Variants in PTPRQ observed in about 807,000 individuals in gnomAD.
The protein encoded by PTPRQ is protein tyrosine phosphatase receptor type Q, also known as phosphatidylinositol phosphatase PTPRQ.
In PTPRQ, 199 loss-of-function variants were observed where a neutral mutation model predicts 246.0. The observed-to-expected ratio is 0.81, with a 90% CI of 0.72 to 0.91. The LOEUF is 0.91. Ranked by LOEUF, PTPRQ falls within the 40% of genes least tolerant of loss-of-function variation. PTPRQ has a pLI of 0.00. For missense variants in PTPRQ, 2,624 were observed against 2,528.4 expected (o/e 1.04, Z -0.81); for synonymous variants, 869 against 853.2 (o/e 1.02, Z -0.32).
intron 17 of PTPRQ, among the ~76,000 whole-genome samples, chr12:80,530,802 A>C (rs1203206965): frequency 6.6e-6 from 1 of 152,100 alleles, no homozygotes; most frequent in Non-Finnish European, 1.5e-5. Context: ...AAATAATTAT[A>C]ATTATTATAA....
intron 3 of PTPRQ, among the ~76,000 whole-genome samples, chr12:80,456,068 C>T (rs1053174786): frequency 7.2e-5 from 11 of 152,090 alleles, no homozygotes; most frequent in African/African-American, 2.7e-4. Flanking sequence ...CTTCTGGATC[C>T]TCCCTCAATA....
intron 35 of PTPRQ, among the ~76,000 whole-genome samples, chr12:80,635,982 GTCTTTA>G (rs1899632997): frequency 6.6e-6 from 1 of 152,118 alleles, no homozygotes; most frequent in Non-Finnish European, 1.5e-5. Flanking sequence ...GTTAAAGTTG[GTCTTTA>G]TCTAATAGAT....
At chr12:80,677,681 A>C (rs1901190311) in intron 43 of PTPRQ, among the ~76,000 whole-genome samples, 1 of 152,200 alleles carries the variant, frequency 6.6e-6, no homozygotes, top group Admixed American at 6.5e-5. Context: ...TAATAATGAC[A>C]AACAATTTCT....
At chr12:80,469,487 T>C (rs1893554980) in intron 7 of PTPRQ, among the ~76,000 whole-genome samples, 1 of 152,156 alleles carries the variant, frequency 6.6e-6, no homozygotes, top group South Asian at 2.1e-4. Flanking sequence ...TCTAAAATTC[T>C]CTCCTGATTG....
intron 3 of PTPRQ, among the ~76,000 whole-genome samples, chr12:80,449,248 T>C (rs978033021): frequency 6.6e-6 from 1 of 151,760 alleles, no homozygotes; most frequent in African/African-American, 2.4e-5. Flanking sequence ...TAAATTTGTT[T>C]GAGTTCATTG....
At position 80,673,293 on chromosome 12, in the gene PTPRQ, G is replaced by A. The variant is rs753841831; in HGVS notation, c.6727G>A (p.Val2243Met). 60 of 1,549,514 alleles carry A rather than the reference G, an allele frequency of 3.9e-5. No homozygotes were observed. Among genetic ancestry groups the A allele is most frequent in the Non-Finnish European group, 5.1e-5 (58 of 1,145,858 alleles). The change falls in exon 43 of 45, where the codon GTG (valine) becomes ATG (methionine). Residue 2243 changes from valine (V) to methionine (M), a missense_variant. Physicochemically the swap from Val to Met is conservative, Grantham distance 21 (BLOSUM62 1). Transcript: ENST00000644991. ...ACTGAGAAGTGAAAGAATGTGCATG[G>A]TGCAGAATCTGGTAAGATCTCTAAA... ...AELRSERMCM[V>M]QNLAQYIFLH...
At position 80,542,215 on chromosome 12, in the gene PTPRQ, C is replaced by T; in HGVS notation, c.3572C>T (p.Pro1191Leu). ...IISYDLTLQGPNENYSFITSD... is the reference protein window; with the variant it reads ...IISYDLTLQGLNENYSFITSD... ...AGTTATGATTTAACTTTACAAGGAC[C>T]AAATGAAAATTATTCTTTCATTACT... The change falls in exon 22 of 45, where the codon CCA becomes CTA. Residue 1191 changes from proline to leucine, a missense_variant. By Grantham distance (98) the Pro-to-Leu change is moderately conservative. Coordinates refer to ENST00000644991, the MANE Select transcript of PTPRQ (RefSeq NM_001145026.2). The T allele has an allele frequency of 1.3e-6, 2 of 1,550,916 alleles. No individual in the cohort carries two copies. Among genetic ancestry groups the T allele is most frequent in the Non-Finnish European group, 1.7e-6 (2 of 1,146,534 alleles).
At chr12:80,460,009 A>G (rs184841270) in intron 5 of PTPRQ, among the ~76,000 whole-genome samples, 102 of 152,338 alleles carry the variant, frequency 6.7e-4, no homozygotes, top group Non-Finnish European at 1.3e-3. Flanking sequence ...GTCATTGATG[A>G]TAAACCTCAT....
At chr12:80,603,858 T>C (rs143809636) in intron 26 of PTPRQ, among the ~76,000 whole-genome samples, 20 of 151,788 alleles carry the variant, frequency 1.3e-4, no homozygotes, top group Admixed American at 1.1e-3. Flanking sequence ...TTGTAGATTA[T>C]ATGTTATTTA....
At chr12:80,524,763 T>C (rs4495948) in intron 17 of PTPRQ, among the ~76,000 whole-genome samples, 53,576 of 152,032 alleles carry the variant, frequency 0.35, 11,786 homozygotes, top group African/African-American at 0.62. Flanking sequence ...ATTTTATAGT[T>C]GTGGAAATGT....
intron 25 of PTPRQ, among the ~76,000 whole-genome samples, chr12:80,580,430 A>C (rs1439562704): frequency 6.6e-6 from 1 of 152,154 alleles, no homozygotes; most frequent in Non-Finnish European, 1.5e-5. Flanking sequence ...AAAAAGTTTG[A>C]GGTTTTTAGT....
At position 80,679,922 on chromosome 12, in the gene PTPRQ, C is replaced by T. The variant is rs1322782928; in HGVS notation, c.*899C>T. On this transcript the variant is annotated 3_prime_UTR_variant, in exon 45 of 45. Coordinates refer to ENST00000644991, the MANE Select transcript of PTPRQ (RefSeq NM_001145026.2). ...TTCAAGCTTGTAAACCAATGATGTG[C>T]TGCTGTGGTGCCAACAGAGACTTCC... 2 of 151,744 alleles carry T rather than the reference C, an allele frequency of 1.3e-5. No individual in the cohort carries two copies. Among genetic ancestry groups the T allele is most frequent in the Non-Finnish European group, 2.9e-5 (2 of 67,868 alleles). The allele number at this position is 151,744 out of a possible 1,614,324, so 9.4% of individuals were successfully genotyped here. A position where few individuals can be genotyped will look rare whatever the true frequency, so the allele number is the denominator to read the frequency against.
At chr12:80,457,401 A>G (rs1893013858) in intron 3 of PTPRQ, among the ~76,000 whole-genome samples, 174 bp from the exon 4 acceptor site, 1 of 152,098 alleles carries the variant, frequency 6.6e-6, no homozygotes, top group African/African-American at 2.4e-5. Context: ...TTTGACAATA[A>G]TACTTTATTT....
Position 80,653,792 on chromosome 12 carries a change from T to C in PTPRQ, c.6115+958T>C, listed in dbSNP as rs529545954. On this transcript the variant is annotated intron_variant, in intron 38 of 44. Coordinates refer to ENST00000644991, the MANE Select transcript of PTPRQ (RefSeq NM_001145026.2). ...TATTCTAGAACTAGGGAATAACTTA[T>C]GAAGTTCACGAAGGAAACAAATGTA... Among the ~76,000 whole-genome samples, 19 of 152,242 alleles carry C rather than the reference T, an allele frequency of 1.2e-4. No homozygotes were observed. The South Asian group carries it at 2.7e-3, about 22-fold the overall frequency.
chr12:80,540,262 T>G (rs1335171096), intron 20 of PTPRQ, among the ~76,000 whole-genome samples: 1 of 152,066 alleles, frequency 6.6e-6, no homozygotes, highest in African/African-American at 2.4e-5. Context: ...TTATTCATTT[T>G]CCTTAAGGAC....
At chr12:80,505,426 A>G (rs10862154) in intron 14 of PTPRQ, among the ~76,000 whole-genome samples, 48,670 of 151,820 alleles carry the variant, frequency 0.32, 9,060 homozygotes, top group African/African-American at 0.51. Flanking sequence ...TACCGGAATT[A>G]GAATCTTGTA....
intron 3 of PTPRQ, among the ~76,000 whole-genome samples, chr12:80,452,714 A>G (rs1015092463): frequency 1.6e-4 from 25 of 152,340 alleles, no homozygotes; most frequent in Non-Finnish European, 3.2e-4. Context: ...TCTGGCTTCT[A>G]GAGTTTCTAC....
chr12:80,600,748 A>G (rs1270002250), intron 26 of PTPRQ, among the ~76,000 whole-genome samples: 2 of 151,802 alleles, frequency 1.3e-5, no homozygotes, highest in Non-Finnish European at 2.9e-5. Flanking sequence ...TTCTGGTATG[A>G]GTTAGATACC....
At chr12:80,572,995 A>T (rs756690687) in intron 25 of PTPRQ, among the ~76,000 whole-genome samples, 1 of 152,140 alleles carries the variant, frequency 6.6e-6, no homozygotes, top group Admixed American at 6.5e-5. Context: ...AGATATTTAC[A>T]TCAAAGTTAT....
Sources: allele counts gnomAD v4.1 joint callset (sites outside exome capture counted in the v4.1 genomes callset), GRCh38; gene constraint gnomAD v4.1.1; transcripts MANE v1.5; gene names NCBI Gene and HGNC (gene_info 2026-07-23, HGNC 2026-07-21).